The following THRB variants were observed in gnomAD, a reference collection of about 807,000 sequenced individuals.
THRB encodes thyroid hormone receptor beta.
THRB carries 12 observed loss-of-function variants against 47.8 expected under a neutral mutation model. The ratio of observed to expected loss-of-function variants is 0.25; its 90% CI spans 0.16 to 0.41. The LOEUF is 0.41. Ranked by LOEUF, THRB falls within the 10% of genes least tolerant of loss-of-function variation. The pLI is 1.00. For synonymous variants in THRB, 218 were observed against 212.2 expected, an observed-to-expected ratio of 1.03 and a Z score of -0.24; for missense variants, 348 against 589.2, an observed-to-expected ratio of 0.59 and a Z score of 4.24.
At chr3:24,374,133 A>G (rs1260578412) in intron 1 of THRB, among the ~76,000 whole-genome samples, 2 of 152,148 alleles carry the variant, frequency 1.3e-5, no homozygotes, top group African/African-American at 2.4e-5. Flanking sequence ...TTAAGTAGCC[A>G]AAATAATTCA....
chr3:24,295,232 TG>T (rs1445636739), intron 3 of THRB, among the ~76,000 whole-genome samples: 1 of 152,208 alleles, frequency 6.6e-6, no homozygotes, highest in Non-Finnish European at 1.5e-5. Context: ...TCACAACATT[TG>T]GAAAAGCCAA....
rs1575209681 is a variant in THRB at position 24,118,189 on chromosome 3, T to A, written c.*4695A>T. ...TTGCCTATGTAGAAAATAATAATAT[T>A]TAAAGAAAGAGACAGGAAAATATAT... is the stretch of plus-strand genomic sequence containing the variant. On this transcript the variant is annotated 3_prime_UTR_variant, in exon 11 of 11. Coordinates refer to ENST00000646209, the MANE Select transcript of THRB (RefSeq NM_001354712.2). 6.5e-6 allele frequency: 1 copy of A among 152,756 alleles called. No individual in the cohort carries two copies. Among genetic ancestry groups the A allele is most frequent in the East Asian group, 1.9e-4 (1 of 5,186 alleles). 9.5% of individuals were successfully genotyped at this position (152,756 alleles called of 1,614,324 possible). A position where few individuals can be genotyped will look rare whatever the true frequency, so the allele number is the denominator to read the frequency against.
chr3:24,128,454 A>C (rs955344025), intron 9 of THRB, among the ~76,000 whole-genome samples: 3 of 152,166 alleles, frequency 2.0e-5, no homozygotes, highest in African/African-American at 7.2e-5. Flanking sequence ...ATCTCCTTTT[A>C]AGCTCATTTG....
Position 24,342,223 on chromosome 3 carries a change from A to C in THRB, c.-260-4852T>G, listed in dbSNP as rs186868179. On this transcript the variant is annotated intron_variant, in intron 1 of 10. Coordinates refer to ENST00000646209, the MANE Select transcript of THRB (RefSeq NM_001354712.2). ...TTAAAAAATTCAGCAAATATCCATCAAACACCAGCTGTATCAATCAGGGTT... is the reference window on the plus strand; with the variant it reads ...TTAAAAAATTCAGCAAATATCCATCCAACACCAGCTGTATCAATCAGGGTT... Among the ~76,000 whole-genome samples the C allele has an allele frequency of 7.2e-5, 11 of 152,288 alleles. No homozygotes were observed. In the East Asian group the frequency reaches 1.5e-3, roughly 21 times the overall value.
At chr3:24,246,472 T>C (rs1255033777) in intron 3 of THRB, among the ~76,000 whole-genome samples, 2 of 152,252 alleles carry the variant, frequency 1.3e-5, no homozygotes, top group Non-Finnish European at 2.9e-5. Context: ...TGATTTCTTA[T>C]ATAATAGTTG....
At chr3:24,162,744 A>G (rs1286325268) in intron 5 of THRB, among the ~76,000 whole-genome samples, 1 of 151,754 alleles carries the variant, frequency 6.6e-6, no homozygotes, top group African/African-American at 2.4e-5. Flanking sequence ...AAGTTATTCT[A>G]AAGTCTACCA....
At chr3:24,417,125 CACACACACACA>C (rs1420303115) in intron 1 of THRB, among the ~76,000 whole-genome samples, 21 of 151,336 alleles carry the variant, frequency 1.4e-4, no homozygotes, top group South Asian at 4.2e-4. Flanking sequence ...CACACACACA[CACACACACACA>C]CACGCGCAAC....
intron 3 of THRB, among the ~76,000 whole-genome samples, chr3:24,282,790 G>A (rs1230695981): frequency 2.7e-5 from 4 of 149,798 alleles, no homozygotes; most frequent in Middle Eastern, 3.2e-3. Flanking sequence ...ACTACCATCA[G>A]AGAATACTAC....
chr3:24,420,754 T>G (rs935907772), intron 1 of THRB, among the ~76,000 whole-genome samples: 1 of 151,900 alleles, frequency 6.6e-6, no homozygotes, highest in African/African-American at 2.4e-5. Flanking sequence ...TCGGTGGGAA[T>G]GTAAATTACT....
chr3:24,470,954 T>G (rs868294410), intron 1 of THRB, among the ~76,000 whole-genome samples: 2 of 152,224 alleles, frequency 1.3e-5, no homozygotes, highest in Admixed American at 6.5e-5. Flanking sequence ...TGTCAATCTA[T>G]CAAGTGTTTG....
At chr3:24,136,942 ATC>A (rs984394236) in intron 8 of THRB, among the ~76,000 whole-genome samples, 12 of 152,176 alleles carry the variant, frequency 7.9e-5, no homozygotes, top group Middle Eastern at 6.8e-3. Flanking sequence ...TCTGTCTCTC[ATC>A]TCTGTCTTTT....
rs779864711 is a variant in THRB at position 24,173,654 on chromosome 3, CAT to C, written c.283+16418_283+16419del. 1.3e-4 allele frequency among the ~76,000 whole-genome samples: 20 copies of C among 152,326 alleles called. 1 individual carries two copies. The East Asian group carries it at 3.3e-3, about 25-fold the overall frequency. On this transcript the variant is annotated intron_variant, in intron 5 of 10. Transcript: ENST00000646209. ...CTCCATGTCATACAGCCTTTTCCCACATGTCTCCTCTATCCCTGGACAGTTCT... is the reference window on the plus strand; with the variant it reads ...CTCCATGTCATACAGCCTTTTCCCACGTCTCCTCTATCCCTGGACAGTTCT...
intron 2 of THRB, among the ~76,000 whole-genome samples, chr3:24,298,293 A>G (rs1287563088): frequency 6.6e-6 from 1 of 152,220 alleles, no homozygotes; most frequent in Non-Finnish European, 1.5e-5. Flanking sequence ...TCTGAAGCTT[A>G]CCAGTCCCCT....
intron 1 of THRB, among the ~76,000 whole-genome samples, chr3:24,451,331 T>A (rs58478419): frequency 0.053 from 8,061 of 151,360 alleles, 285 homozygotes; most frequent in African/African-American, 0.1. Flanking sequence ...TCTCCCAGAT[T>A]CAAGCGATTC....
chr3:24,385,412 TACACACACACAC>T (rs111954578), intron 1 of THRB, among the ~76,000 whole-genome samples: 2 of 145,268 alleles, frequency 1.4e-5, no homozygotes, highest in Non-Finnish European at 1.5e-5. Context: ...CACACACACA[TACACACACACAC>T]ACACACACAC....
At chr3:24,346,510 C>T (rs919829821) in intron 1 of THRB, among the ~76,000 whole-genome samples, 2 of 151,848 alleles carry the variant, frequency 1.3e-5, no homozygotes, top group Non-Finnish European at 2.9e-5. Flanking sequence ...AAACAGTTCA[C>T]AAAATCTACA....
chr3:24,357,231 A>G (rs1283152497), intron 1 of THRB, among the ~76,000 whole-genome samples: 1 of 150,318 alleles, frequency 6.7e-6, no homozygotes, highest in Non-Finnish European at 1.5e-5. Flanking sequence ...ATGTCTAAAG[A>G]TAATTTCATT....
intron 2 of THRB, among the ~76,000 whole-genome samples, chr3:24,324,468 A>G (rs1250917016): frequency 1.3e-5 from 2 of 152,128 alleles, no homozygotes; most frequent in Non-Finnish European, 2.9e-5. Context: ...TTTCCTTGAG[A>G]AATTGTGTTG....
chr3:24,169,659 T>C (rs935430643), intron 5 of THRB, among the ~76,000 whole-genome samples: 9 of 148,164 alleles, frequency 6.1e-5, no homozygotes, highest in African/African-American at 2.0e-4. Flanking sequence ...CATAATTATA[T>C]ATACATAATA....
Sources: allele counts gnomAD v4.1 joint callset (sites outside exome capture counted in the v4.1 genomes callset), GRCh38; gene constraint gnomAD v4.1.1; transcripts MANE v1.5; gene names NCBI Gene and HGNC (gene_info 2026-07-23, HGNC 2026-07-21).